COL4A5: variants seen among roughly 807,000 people sequenced by gnomAD.
COL4A5 encodes collagen alpha-5(IV) chain.
A neutral mutation model predicts 130.2 loss-of-function variants in COL4A5; 26 were observed. That is an observed-to-expected ratio of 0.20 (90% CI 0.15 to 0.28). The LOEUF (loss-of-function observed/expected upper bound fraction) is 0.28. COL4A5 is among the 10% of genes least tolerant of loss of function. COL4A5 has a pLI of 1.00. For synonymous variants in COL4A5, 496 were observed against 439.6 expected (o/e 1.13, Z -1.60); for missense variants, 1,131 against 1,344.3 (o/e 0.84, Z 2.48).
At chrX:108,498,334 A>G (rs748553967) in intron 1 of COL4A5, among the ~76,000 whole-genome samples, 1 of 111,428 alleles carries the variant, frequency 9.0e-6, no homozygotes, top group East Asian at 2.8e-4. Context: ...TGGACTCTCC[A>G]TTTTGTTTGT....
chrX:108,490,953 C>T (rs1284549231), intron 1 of COL4A5, among the ~76,000 whole-genome samples: 2 of 111,890 alleles, frequency 1.8e-5, no homozygotes, highest in African/African-American at 3.2e-5. Flanking sequence ...CTTCCAGCTC[C>T]ATCTGTGTTC....
chrX:108,657,891 A>G (rs1189682808), intron 37 of COL4A5, among the ~76,000 whole-genome samples: 1 of 111,245 alleles, frequency 9.0e-6, no homozygotes, highest in African/African-American at 3.3e-5. Flanking sequence ...TTTGTTTTAT[A>G]AAATATCACC....
At chrX:108,505,862 A>G (rs928535926) in intron 1 of COL4A5, among the ~76,000 whole-genome samples, 2 of 112,821 alleles carry the variant, frequency 1.8e-5, no homozygotes, top group Non-Finnish European at 3.7e-5. Context: ...ATCAAGTGAT[A>G]CTGTTTATAT....
chrX:108,447,300 C>T (rs916737903), intron 1 of COL4A5, among the ~76,000 whole-genome samples: 3 of 111,356 alleles, frequency 2.7e-5, no homozygotes, highest in Non-Finnish European at 5.6e-5. Flanking sequence ...AATATCACAG[C>T]CTCAATTCCC....
intron 9 of COL4A5, among the ~76,000 whole-genome samples, chrX:108,575,553 C>A (rs751994382): frequency 9.8e-5 from 11 of 112,521 alleles, no homozygotes; most frequent in Non-Finnish European, 1.1e-4. Flanking sequence ...CCATTTAGTT[C>A]TTTGTAAGAT....
At chrX:108,680,629 C>A in intron 44 of COL4A5, 50 bp from the exon 45 acceptor site, 1 of 1,051,293 alleles carries the variant, frequency 9.5e-7, no homozygotes, top group Non-Finnish European at 1.3e-6. Flanking sequence ...CAATCACCTT[C>A]CTCCCCTCGC....
rs104886142 is a variant in COL4A5, at chrX:108,598,793, G to A, written c.1871G>A (p.Gly624Asp). ...PGNIGPMGPPGFGPPGPVGEK... is the reference protein window; with the variant it reads ...PGNIGPMGPPDFGPPGPVGEK... ...AATATAGGGCCTATGGGTCCCCCTGGTTTCGGCCCTCCAGGCCCAGTAGGT... is the reference window on the plus strand; with the variant it reads ...AATATAGGGCCTATGGGTCCCCCTGATTTCGGCCCTCCAGGCCCAGTAGGT... Residue 624 changes from glycine (G) to aspartate (D), a missense_variant, in exon 25 of 53, where the codon GGT becomes GAT. Coordinates refer to ENST00000328300, the MANE Select transcript of COL4A5 (RefSeq NM_033380.3). 56 of 1,209,813 alleles carry A rather than the reference G, an allele frequency of 4.6e-5. No individual in the cohort carries two copies. The highest frequency in any genetic ancestry group is 6.1e-5 in the Non-Finnish European group (55 of 894,943).
intron 36 of COL4A5, chrX:108,626,718 A>C (rs902104296): frequency 1.5e-4 from 138 of 902,325 alleles, no homozygotes; most frequent in Non-Finnish European, 1.7e-4. Flanking sequence ...TTATAAACAA[A>C]GTGACAGTTA....
chrX:108,447,068 T>G (rs901946030), intron 1 of COL4A5, among the ~76,000 whole-genome samples: 1 of 110,615 alleles, frequency 9.0e-6, no homozygotes, highest in African/African-American at 3.3e-5. Context: ...ACATTCTCCC[T>G]CCCCCAGAAG....
chrX:108,543,570 AG>A (rs2065587622), intron 2 of COL4A5, among the ~76,000 whole-genome samples: 1 of 111,555 alleles, frequency 9.0e-6, no homozygotes, highest in Non-Finnish European at 1.9e-5. Flanking sequence ...CTTTTGGCTT[AG>A]GACTGACTTG....
chrX:108,451,775 T>A (rs1355017793), intron 1 of COL4A5, among the ~76,000 whole-genome samples: 4 of 109,935 alleles, frequency 3.6e-5, no homozygotes, highest in Admixed American at 1.9e-4. Flanking sequence ...GTTGCGAAAA[T>A]TTTCTCCCAT....
At chrX:108,597,730 G>A (rs1002382788) in intron 24 of COL4A5, among the ~76,000 whole-genome samples, 162 bp downstream of exon 24, 1 of 111,391 alleles carries the variant, frequency 9.0e-6, no homozygotes, top group African/African-American at 3.3e-5. Context: ...GACTACGTAG[G>A]GTTTCTGCAC....
At chrX:108,619,403 A>G (rs57725835) in intron 30 of COL4A5, among the ~76,000 whole-genome samples, 11,659 of 111,493 alleles carry the variant, frequency 0.1, 1,304 homozygotes, top group African/African-American at 0.34. Context: ...GAGGATCAAC[A>G]TTAAGTGACT....
chrX:108,616,795 CTGTTA>C (rs1327274410), intron 30 of COL4A5, among the ~76,000 whole-genome samples: 7 of 110,022 alleles, frequency 6.4e-5, no homozygotes, highest in Non-Finnish European at 1.3e-4. Flanking sequence ...CTTTCTCCCT[CTGTTA>C]TATGATATAT....
At chrX:108,561,750 ATTAAT>A (rs2147729137) in intron 3 of COL4A5, among the ~76,000 whole-genome samples, 1 of 111,943 alleles carries the variant, frequency 8.9e-6, no homozygotes, top group South Asian at 3.7e-4. Context: ...AAGGGAGAAA[ATTAAT>A]TTAAATGCAT....
At chrX:108,609,592 T>C (rs2066792505) in intron 29 of COL4A5, among the ~76,000 whole-genome samples, 1 of 111,904 alleles carries the variant, frequency 8.9e-6, no homozygotes, top group African/African-American at 3.2e-5. Context: ...TATTGAAGTT[T>C]CATTTATCAA....
At chrX:108,573,392 G>C (rs181676314) in intron 8 of COL4A5, among the ~76,000 whole-genome samples, 182 bp from the exon 9 acceptor site, 335 of 111,498 alleles carry the variant, frequency 3.0e-3, no homozygotes, top group African/African-American at 0.01. Context: ...CTGTTCTTCA[G>C]TGTACTCTGG....
intron 6 of COL4A5, 83 bp downstream of exon 6, chrX:108,568,904 A>G: frequency 1.2e-6 from 1 of 843,206 alleles, no homozygotes; most frequent in Non-Finnish European, 1.8e-6. Flanking sequence ...TGAAGAATGT[A>G]GAAGAAGGGA....
At chrX:108,521,752 T>C (rs1366015273) in intron 1 of COL4A5, among the ~76,000 whole-genome samples, 2 of 111,981 alleles carry the variant, frequency 1.8e-5, no homozygotes, top group African/African-American at 6.5e-5. Flanking sequence ...CCTTCACGGT[T>C]CTTGACAGAA....
Sources: gnomAD v4.1 joint callset for allele counts (sites outside exome capture counted in the v4.1 genomes callset) on GRCh38, gnomAD v4.1.1 for gene constraint, MANE v1.5 for transcripts, NCBI Gene and HGNC (gene_info 2026-07-23, HGNC 2026-07-21) for gene names.